BCAP29: variants seen among roughly 807,000 people sequenced by gnomAD.
BCAP29 encodes the protein B cell receptor associated protein 29.
Under a neutral mutation model 31.8 loss-of-function variants are expected in BCAP29, and 34 were observed. The ratio of observed to expected loss-of-function variants is 1.07; its 90% CI spans 0.81 to 1.42. BCAP29 has a LOEUF of 1.42. Among genes scored for constraint, BCAP29 ranks in the 40% most tolerant of loss-of-function variants. The pLI is 0.00. For synonymous variants in BCAP29, 104 were observed against 91.3 expected, an observed-to-expected ratio of 1.14 and a Z score of -0.79; for missense variants, 314 against 269.2, an observed-to-expected ratio of 1.17 and a Z score of -1.16.
chr7:107,601,372 A>T (rs1811146132), intron 6 of BCAP29, among the ~76,000 whole-genome samples: 1 of 152,086 alleles, frequency 6.6e-6, no homozygotes, highest in Non-Finnish European at 1.5e-5. Context: ...GATGAAAAAC[A>T]TAAAAATAAA....
rs201577897 is a variant in BCAP29 at position 107,596,025 on chromosome 7, A to G, written c.480+23A>G. 850 of 1,547,272 alleles carry G rather than the reference A, an allele frequency of 5.5e-4. 18 individuals are homozygous for G. The South Asian group carries it at 9.1e-3, about 17-fold the overall frequency. On this transcript the variant is annotated intron_variant, in intron 5 of 7. Transcript: ENST00000005259. ...AGGGTATTTAATTTTCTTTGTAAAAATTAAATGTTGTTGGTGTTCCCGAGG... is the reference window on the plus strand; with the variant it reads ...AGGGTATTTAATTTTCTTTGTAAAAGTTAAATGTTGTTGGTGTTCCCGAGG...
At chr7:107,600,273 T>A in intron 5 of BCAP29, 124 bp from the exon 6 acceptor site, 2 of 697,936 alleles carry the variant, frequency 2.9e-6, no homozygotes, top group Non-Finnish European at 5.1e-6. Context: ...TATAAAATTC[T>A]GAAAAGGACA....
chr7:107,599,216 T>A (rs1214120969), intron 5 of BCAP29, among the ~76,000 whole-genome samples: 5 of 16,322 alleles, frequency 3.1e-4, no homozygotes, highest in South Asian at 3.0e-3. Flanking sequence ...TATAAATATA[T>A]ATATACATAA....
In BCAP29 at chr7:107,583,990, C is replaced by T; in HGVS notation, c.193+8C>T. 7.1e-7 allele frequency: 1 copy of T among 1,404,516 alleles called. No homozygotes were observed. Among genetic ancestry groups the T allele is most frequent in the Admixed American group, 2.3e-5 (1 of 44,288 alleles). 87.0% of individuals were successfully genotyped at this position (1,404,516 alleles called of 1,614,324 possible). A position where few individuals can be genotyped will look rare whatever the true frequency, so the allele number is the denominator to read the frequency against. ...TGATTGTTCTATTTCTAGGTAAGTA[C>T]TAGATCCCTTCTTTGAATAAATATA... On this transcript the variant is annotated splice_region_variant and intron_variant, in intron 3 of 7. Coordinates refer to ENST00000005259, the MANE Select transcript of BCAP29 (RefSeq NM_018844.4).
intron 2 of BCAP29, among the ~76,000 whole-genome samples, chr7:107,582,175 T>G (rs1429953311): frequency 6.6e-6 from 1 of 152,218 alleles, no homozygotes; most frequent in African/African-American, 2.4e-5. Context: ...GCTTAAGGGT[T>G]TGCAAAGAAG....
chr7:107,580,785 T>A lies in BCAP29; in HGVS notation c.13T>A (p.Trp5Arg). 1 of 1,598,564 alleles carries A rather than the reference T, an allele frequency of 6.3e-7. No individual in the cohort carries two copies. The highest frequency in any genetic ancestry group is 8.5e-7 in the Non-Finnish European group (1 of 1,173,798). Residue 5 changes from tryptophan (W) to arginine (R), a missense_variant, in exon 2 of 8, where the codon TGG becomes AGG. By Grantham distance (101) the Trp-to-Arg change is moderately radical. Transcript: ENST00000005259. MTLQ[W>R]AAVATFLYAE... ...TGTGAAGAAAAAAATGACACTCCAA[T>A]GGGCTGCAGTGGCAACCTTTCTTTA...
intron 7 of BCAP29, among the ~76,000 whole-genome samples, chr7:107,613,919 G>A (rs112251680): frequency 2.0e-5 from 3 of 152,162 alleles, no homozygotes; most frequent in African/African-American, 7.2e-5. Context: ...ATGTTTCATT[G>A]TTAAAGCCAC....
At chr7:107,584,052 T>C (rs1807179211) in intron 3 of BCAP29, 70 bp downstream of exon 3, 2 of 874,286 alleles carry the variant, frequency 2.3e-6, no homozygotes, top group African/African-American at 1.8e-5. Flanking sequence ...ATTAATAGAG[T>C]TGATGTTACA....
At chr7:107,616,734 TTTTG>T (rs903989765) in intron 7 of BCAP29, among the ~76,000 whole-genome samples, 2 of 152,064 alleles carry the variant, frequency 1.3e-5, no homozygotes, top group Non-Finnish European at 2.9e-5. Flanking sequence ...AAGAGCCCCA[TTTTG>T]TTTGTTTGTT....
chr7:107,585,827 C>G (rs1332863721), intron 3 of BCAP29, among the ~76,000 whole-genome samples: 1 of 151,990 alleles, frequency 6.6e-6, no homozygotes, highest in African/African-American at 2.4e-5. Flanking sequence ...CCTGTCTCTA[C>G]CAAAAATACA....
intron 2 of BCAP29, among the ~76,000 whole-genome samples, chr7:107,581,859 T>G (rs1806734078): frequency 6.6e-6 from 1 of 152,186 alleles, no homozygotes; most frequent in Non-Finnish European, 1.5e-5. Context: ...GAAAAAAAAT[T>G]GAATCATACT....
At chr7:107,591,050 T>C (rs1334770067) in intron 3 of BCAP29, among the ~76,000 whole-genome samples, 2 of 152,046 alleles carry the variant, frequency 1.3e-5, no homozygotes, top group African/African-American at 2.4e-5. Flanking sequence ...CTAAAAACCT[T>C]AGAAATAAAC....
intron 7 of BCAP29, chr7:107,613,837 G>A: frequency 1.3e-6 from 1 of 781,992 alleles, no homozygotes; most frequent in Non-Finnish European, 2.1e-6. Context: ...AGACATATTA[G>A]GACAAGACTT....
At chr7:107,597,757 T>C (rs1277130806) in intron 5 of BCAP29, among the ~76,000 whole-genome samples, 3 of 152,218 alleles carry the variant, frequency 2.0e-5, no homozygotes, top group Non-Finnish European at 2.9e-5. Context: ...AACCACATTA[T>C]TTTGTGCCCT....
intron 5 of BCAP29, among the ~76,000 whole-genome samples, chr7:107,599,333 A>C (rs1810702067): frequency 7.7e-6 from 1 of 129,182 alleles, no homozygotes; most frequent in Non-Finnish European, 1.6e-5. Flanking sequence ...ATAAATATAT[A>C]TATGCACACA....
chr7:107,618,251 T>A, intron 7 of BCAP29, 77 bp from the exon 8 acceptor site: 1 of 1,092,284 alleles, frequency 9.2e-7, no homozygotes, highest in Non-Finnish European at 1.3e-6. Flanking sequence ...GAGAGAATGT[T>A]TTTTAAAAGT....
At position 107,618,701 on chromosome 7, in the gene BCAP29, C is replaced by A; in HGVS notation, c.*338C>A. 1.1e-6 allele frequency: 1 copy of A among 897,540 alleles called. No individual in the cohort carries two copies. The highest frequency in any genetic ancestry group is 1.7e-6 in the Non-Finnish European group (1 of 602,068). 55.6% of individuals were successfully genotyped at this position (897,540 alleles called of 1,614,324 possible). On this transcript the variant is annotated 3_prime_UTR_variant, in exon 8 of 8. Coordinates refer to ENST00000005259, the MANE Select transcript of BCAP29 (RefSeq NM_018844.4). The stretch of plus-strand genomic sequence containing the variant: ...TTAGAAGTTTTAAGTTGCATGAAAC[C>A]ATTAATAGCCTTGAAAGCTTTGATA...
intron 3 of BCAP29, among the ~76,000 whole-genome samples, chr7:107,589,822 T>C (rs1246150203): frequency 6.6e-6 from 1 of 152,182 alleles, no homozygotes; most frequent in Non-Finnish European, 1.5e-5. Flanking sequence ...GGGGGTTTTG[T>C]TTTTGTTGTT....
rs536458268 is a variant in BCAP29 at position 107,593,402 on chromosome 7, G to A, written c.194-553G>A. ...AGGAGCAGCTATCTGAACCTTTCCA[G>A]TAGCAGCTGCTATGCACTAGTCGGA... On this transcript the variant is annotated intron_variant, in intron 3 of 7. Transcript: ENST00000005259. 5.3e-5 allele frequency among the ~76,000 whole-genome samples: 8 copies of A among 152,344 alleles called. No individual in the cohort carries two copies. The South Asian group carries it at 1.4e-3, about 28-fold the overall frequency.
Sources: allele counts gnomAD v4.1 joint callset (sites outside exome capture counted in the v4.1 genomes callset), GRCh38; gene constraint gnomAD v4.1.1; transcripts MANE v1.5; gene names NCBI Gene and HGNC (gene_info 2026-07-23, HGNC 2026-07-21).